The following KIF1C variants were observed in gnomAD, a reference collection of about 807,000 sequenced individuals.
KIF1C encodes kinesin family member 1C.
In KIF1C, 61 loss-of-function variants were observed where a neutral mutation model predicts 126.5. The observed-to-expected ratio is 0.48, with a 90% CI of 0.39 to 0.60. KIF1C has a LOEUF of 0.60. KIF1C is among the 20% of genes least tolerant of loss of function. The pLI is 0.00. For missense variants in KIF1C, 1,315 were observed against 1,489.2 expected, an observed-to-expected ratio of 0.88 and a Z score of 1.93; for synonymous variants, 640 against 580.6, an observed-to-expected ratio of 1.10 and a Z score of -1.47.
chr17:5,009,675 C>T (rs1369871912), intron 16 of KIF1C, among the ~76,000 whole-genome samples: 3 of 150,590 alleles, frequency 2.0e-5, no homozygotes, highest in Non-Finnish European at 4.4e-5. Context: ...GTAGTCCCAG[C>T]TACTAGGGAG....
At position 5,013,703 on chromosome 17, in the gene KIF1C, G is replaced by T; in HGVS notation, c.1542G>T (p.Leu514=). The part of the protein sequence containing the change: ...LNEDPLMSEC[L]LYHIKDGVTR... Reference sequence around the variant, plus strand: ...AAGACCCTCTGATGTCTGAGTGTCTGCTCTACCACATCAAAGATGGCGTCA... The same window carrying T: ...AAGACCCTCTGATGTCTGAGTGTCTTCTCTACCACATCAAAGATGGCGTCA... Residue 514 remains leucine, a synonymous_variant, in exon 17 of 23, where the codon CTG becomes CTT. Transcript: ENST00000320785. The T allele has an allele frequency of 6.2e-7, 1 of 1,613,864 alleles. No homozygotes were observed.
At position 5,002,824 on chromosome 17, in the gene KIF1C, G is replaced by C. The variant is rs150944204; in HGVS notation, c.702G>C (p.Thr234=). 7.4e-6 allele frequency: 12 copies of C among 1,612,318 alleles called. No individual in the cohort carries two copies. Among genetic ancestry groups the C allele is most frequent in the Non-Finnish European group, 9.3e-6 (11 of 1,179,502 alleles). ...VFTQRCHDQL[T]GLDSEKVSKI... ...CACAGCGCTGCCATGACCAGCTCAC[G>C]GGGCTGGACTCGGAGAAGGTGGGAT... Residue 234 remains threonine, a synonymous_variant, in exon 8 of 23, where the codon ACG becomes ACC. Transcript: ENST00000320785.
At position 5,022,851 on chromosome 17, in the gene KIF1C, A is replaced by C; in HGVS notation, c.2628+142A>C. The C allele has an allele frequency of 8.2e-7, 1 of 1,217,916 alleles. No homozygotes were observed. Among genetic ancestry groups the C allele is most frequent in the Admixed American group, 3.5e-5 (1 of 28,482 alleles). The allele number at this position is 1,217,916 out of a possible 1,614,324, so 75.4% of individuals were successfully genotyped here. On this transcript the variant is annotated intron_variant, in intron 22 of 22. Transcript: ENST00000320785. The surrounding 1 kb of genome is among the most constrained non-coding windows in gnomAD (Gnocchi z 4.9). The stretch of plus-strand genomic sequence containing the variant: ...TAGTACGTTTTTTTCAATATTGTTT[A>C]CGAACCACATGCCTCGCTGTCACCA...
chr17:5,016,952 G>A (rs1408179607), intron 18 of KIF1C, among the ~76,000 whole-genome samples: 2 of 151,938 alleles, frequency 1.3e-5, no homozygotes, highest in Non-Finnish European at 2.9e-5. Flanking sequence ...TATGGTTCAG[G>A]GTCAGCCAAT....
intron 18 of KIF1C, 64 bp from the exon 19 acceptor site, chr17:5,019,932 C>T: frequency 7.6e-7 from 1 of 1,323,392 alleles, no homozygotes; most frequent in East Asian, 2.5e-5. Context: ...AGGTGGGAAT[C>T]TGTGACCATG....
intron 16 of KIF1C, among the ~76,000 whole-genome samples, chr17:5,010,663 C>A (rs1230191935): frequency 6.6e-6 from 1 of 150,452 alleles, no homozygotes; most frequent in Non-Finnish European, 1.5e-5. Context: ...AGGAGAATGG[C>A]GTGAACCCGG....
At chr17:5,006,872 T>C in intron 13 of KIF1C, 43 bp from the exon 14 acceptor site, 1 of 1,605,096 alleles carries the variant, frequency 6.2e-7, no homozygotes, top group Non-Finnish European at 8.5e-7. Context: ...CATCAGCTCC[T>C]TCTTTCCTTA....
Position 5,025,898 on chromosome 17 carries a change from A to G in KIF1C, c.*1747A>G. 1 of 152,228 alleles carries G rather than the reference A, an allele frequency of 6.6e-6. No homozygotes were observed. Among genetic ancestry groups the G allele is most frequent in the East Asian group, 1.9e-4 (1 of 5,202 alleles). 9.4% of individuals were successfully genotyped at this position (152,228 alleles called of 1,614,324 possible). ...GGCAGCGAGCCCTTGACTATGCCACATTGCCAGGATTTTGCAGGTTAGATT... is the reference window on the plus strand; with the variant it reads ...GGCAGCGAGCCCTTGACTATGCCACGTTGCCAGGATTTTGCAGGTTAGATT... On this transcript the variant is annotated 3_prime_UTR_variant, in exon 23 of 23. Coordinates refer to ENST00000320785, the MANE Select transcript of KIF1C (RefSeq NM_006612.6).
chr17:5,007,350 G>T lies in KIF1C; in HGVS notation c.1415+8G>T, dbSNP rs1347107617. ...AGCCCTGAGGATGGAGAGGTGTGAG[G>T]GCCGACAGTTGGGGTCCTGGGTGGA... On this transcript the variant is annotated splice_region_variant and intron_variant, in intron 15 of 22. Transcript: ENST00000320785. 1.5e-5 allele frequency: 24 copies of T among 1,613,548 alleles called. No homozygotes were observed. The Middle Eastern group carries it at 6.6e-4, about 44-fold the overall frequency.
At position 5,028,199 on chromosome 17, in the gene KIF1C, A is replaced by C. The variant is rs1005888837; in HGVS notation, c.*4048A>C. ...GCTCACTCCGTCTTGACATTTCTAC[A>C]CTGTCATCCTTGGTTTTCTTGGAAA... On this transcript the variant is annotated 3_prime_UTR_variant, in exon 23 of 23. Transcript: ENST00000320785. 4.6e-5 allele frequency: 7 copies of C among 151,974 alleles called. No individual in the cohort carries two copies. Among genetic ancestry groups the C allele is most frequent in the African/African-American group, 1.7e-4 (7 of 41,356 alleles). 9.4% of individuals were successfully genotyped at this position (151,974 alleles called of 1,614,324 possible). A position where few individuals can be genotyped will look rare whatever the true frequency, so the allele number is the denominator to read the frequency against.
chr17:5,019,594 C>T (rs377480418), intron 18 of KIF1C: 1 of 211,998 alleles, frequency 4.7e-6, no homozygotes. Context: ...TACAAGCCTG[C>T]TGGAGGAGCC....
chr17:5,009,224 G>T (rs974126832), intron 16 of KIF1C, among the ~76,000 whole-genome samples: 15 of 151,484 alleles, frequency 9.9e-5, no homozygotes, highest in African/African-American at 3.6e-4. Context: ...CTGTCACCCG[G>T]GCTGGAGTGC....
At chr17:5,013,833 G>T in intron 17 of KIF1C, 101 bp downstream of exon 17, 1 of 823,118 alleles carries the variant, frequency 1.2e-6, no homozygotes, top group Non-Finnish European at 2.0e-6. Context: ...GGTCCCTGGA[G>T]ATACCTCAGA....
chr17:5,021,052 G>A (rs544117592), intron 21 of KIF1C, among the ~76,000 whole-genome samples, 174 bp downstream of exon 21: 11 of 152,130 alleles, frequency 7.2e-5, no homozygotes, highest in African/African-American at 2.7e-4. Flanking sequence ...TCCATTGTGA[G>A]GAAGGAAGGA....
rs955076482 is a variant in KIF1C, at chr17:5,025,983, C to T, written c.*1832C>T. 6.6e-6 allele frequency: 1 copy of T among 152,198 alleles called. No homozygotes were observed. The highest frequency in any genetic ancestry group is 2.4e-5 in the African/African-American group (1 of 41,434). The allele number at this position is 152,198 out of a possible 1,614,324, so 9.4% of individuals were successfully genotyped here. A position where few individuals can be genotyped will look rare whatever the true frequency, so the allele number is the denominator to read the frequency against. ...GGAGTCCCCACATTTTCATCCTGTTCTCAGGAAAACACTTTGACCCACTTG... is the reference window on the plus strand; with the variant it reads ...GGAGTCCCCACATTTTCATCCTGTTTTCAGGAAAACACTTTGACCCACTTG... On this transcript the variant is annotated 3_prime_UTR_variant, in exon 23 of 23. Transcript: ENST00000320785.
intron 18 of KIF1C, among the ~76,000 whole-genome samples, chr17:5,018,750 C>G (rs1975030616): frequency 6.6e-6 from 1 of 151,710 alleles, no homozygotes; most frequent in African/African-American, 2.4e-5. Flanking sequence ...GATTAAATGA[C>G]TTTAGATTAT....
chr17:5,004,443 C>T lies in KIF1C; in HGVS notation c.941-124C>T, dbSNP rs1331717695. On this transcript the variant is annotated intron_variant, in intron 11 of 22. Coordinates refer to ENST00000320785, the MANE Select transcript of KIF1C (RefSeq NM_006612.6). The stretch of plus-strand genomic sequence containing the variant: ...ATGGTTAGCTCCACCCCGCTAGACT[C>T]CCCTACCTCAGACCATGACCCTGTA... 4.7e-6 allele frequency: 4 copies of T among 854,152 alleles called. No homozygotes were observed. The East Asian group carries it at 9.7e-5, about 21-fold the overall frequency. The allele number at this position is 854,152 out of a possible 1,614,324, so 52.9% of individuals were successfully genotyped here. A position where few individuals can be genotyped will look rare whatever the true frequency, so the allele number is the denominator to read the frequency against.
At chr17:5,010,076 A>G (rs1316968751) in intron 16 of KIF1C, among the ~76,000 whole-genome samples, 8 of 151,962 alleles carry the variant, frequency 5.3e-5, no homozygotes, top group Admixed American at 2.6e-4. Context: ...ACAGGCACCC[A>G]CCACCACGCC....
At chr17:5,005,048 C>T (rs1430178205) in intron 13 of KIF1C, 48 bp downstream of exon 13, 3 of 1,611,250 alleles carry the variant, frequency 1.9e-6, no homozygotes, top group Non-Finnish European at 2.5e-6. Context: ...TTGGCCCACC[C>T]CATCCCTCCT....
Sources: allele counts gnomAD v4.1 joint callset (sites outside exome capture counted in the v4.1 genomes callset), GRCh38; gene constraint gnomAD v4.1.1; non-coding constraint Gnocchi (gnomAD v3.1); transcripts MANE v1.5; gene names NCBI Gene and HGNC (gene_info 2026-07-23, HGNC 2026-07-21).